TMEM181: variants seen among roughly 807,000 people sequenced by gnomAD.
The protein encoded by TMEM181 is transmembrane protein 181, also known as G protein-coupled receptor 178.
TMEM181 carries 39 observed loss-of-function variants against 71.9 expected under a neutral mutation model. The observed-to-expected ratio is 0.54, with a 90% confidence interval of 0.42 to 0.71. The LOEUF is 0.71. Ranked by LOEUF, TMEM181 falls within the 30% of genes least tolerant of loss-of-function variation. The pLI, the probability that TMEM181 is intolerant of heterozygous loss-of-function variation, is 0.00. For missense variants in TMEM181, 595 were observed against 583.0 expected (o/e 1.02, Z -0.21); for synonymous variants, 245 against 228.8 (o/e 1.07, Z -0.64).
intron 1 of TMEM181, among the ~76,000 whole-genome samples, chr6:158,571,272 G>GT (rs955740981): frequency 4.0e-4 from 59 of 149,092 alleles, no homozygotes; most frequent in African/African-American, 1.3e-3. Flanking sequence ...AATTTTTTGT[G>GT]TTTTTTAGTA....
At chr6:158,580,357 C>T (rs1234779722) in intron 2 of TMEM181, among the ~76,000 whole-genome samples, 2 of 151,718 alleles carry the variant, frequency 1.3e-5, no homozygotes, top group Admixed American at 1.3e-4. Flanking sequence ...GTTCTTGGAT[C>T]TGTAGGAAAA....
intron 1 of TMEM181, among the ~76,000 whole-genome samples, chr6:158,542,520 T>C (rs902221620): frequency 6.6e-6 from 1 of 152,206 alleles, no homozygotes; most frequent in Non-Finnish European, 1.5e-5. Context: ...CCAGAGCTCT[T>C]CCTGGTGTTT....
In TMEM181 at chr6:158,614,221, G is replaced by C. The variant is rs561328098; in HGVS notation, c.896+5471G>C. Reference sequence around the variant, plus strand: ...CGGGGGTTAGGAAAGACAACCTTGAGACTAAAGTTTGATTTGGGGAAGCCT... The same window carrying C: ...CGGGGGTTAGGAAAGACAACCTTGACACTAAAGTTTGATTTGGGGAAGCCT... On this transcript the variant is annotated intron_variant, in intron 10 of 16. Coordinates refer to ENST00000684151, the MANE Select transcript of TMEM181 (RefSeq NM_001376852.1). Among the ~76,000 whole-genome samples the C allele has an allele frequency of 3.2e-4, 48 of 152,312 alleles. 1 individual carries two copies. In the East Asian group the frequency reaches 9.3e-3, roughly 29 times the overall value.
At chr6:158,575,914 G>A (rs776066670) in intron 2 of TMEM181, among the ~76,000 whole-genome samples, 7 of 152,200 alleles carry the variant, frequency 4.6e-5, no homozygotes, top group South Asian at 2.1e-4. Flanking sequence ...ATAGTGATAC[G>A]TTTTGGAACA....
chr6:158,611,323 A>G (rs1275727067), intron 10 of TMEM181: 3 of 510,616 alleles, frequency 5.9e-6, no homozygotes, highest in African/African-American at 3.9e-5. Context: ...ACACTCTGCT[A>G]TGCTTGGTTT....
At chr6:158,556,743 T>TG (rs1165967655), upstream of TMEM181, among the ~76,000 whole-genome samples, 3 of 148,674 alleles carry the variant, frequency 2.0e-5, no homozygotes, top group African/African-American at 7.5e-5. Context: ...TGGTGTTCTC[T>TG]GGCTCTATTT....
chr6:158,589,906 G>A (rs1784011525), intron 6 of TMEM181, 124 bp downstream of exon 6: 1 of 708,266 alleles, frequency 1.4e-6, no homozygotes, highest in Non-Finnish European at 2.3e-6. Context: ...GACTTGTAAA[G>A]TTTTTAAAAA....
upstream of TMEM181, among the ~76,000 whole-genome samples, chr6:158,555,190 TTTC>T (rs1343486483): frequency 1.3e-5 from 2 of 152,208 alleles, no homozygotes; most frequent in Non-Finnish European, 2.9e-5. Flanking sequence ...TGTTTGGCTT[TTTC>T]TTTTTGGCCC....
chr6:158,629,147 T>C (rs1006160386), intron 14 of TMEM181, among the ~76,000 whole-genome samples: 1 of 152,186 alleles, frequency 6.6e-6, no homozygotes, highest in African/African-American at 2.4e-5. Flanking sequence ...CCACTCTTTG[T>C]TGGGGACACT....
At chr6:158,539,464 T>C (rs1781256584) in intron 1 of TMEM181, among the ~76,000 whole-genome samples, 1 of 152,218 alleles carries the variant, frequency 6.6e-6, no homozygotes, top group African/African-American at 2.4e-5. Context: ...CTCCTTCTCT[T>C]CTCACCGTCT....
chr6:158,563,805 C>T (rs972135991), intron 1 of TMEM181, among the ~76,000 whole-genome samples: 1 of 152,128 alleles, frequency 6.6e-6, no homozygotes, highest in Non-Finnish European at 1.5e-5. Context: ...CACATAATAG[C>T]TTTGCGAACT....
chr6:158,626,112 C>T lies in TMEM181; in HGVS notation c.1109+358C>T, dbSNP rs111459906. Among the ~76,000 whole-genome samples the T allele has an allele frequency of 2.2e-3, 334 of 152,308 alleles. 2 individuals carry two copies. The highest frequency in any genetic ancestry group is 7.5e-3 in the African/African-American group (312 of 41,562). ...GGTGCCCCAGGGACAGGACTCTAAG[C>T]GAGTTAGGACAGCAAACACCCTTGA... On this transcript the variant is annotated intron_variant, in intron 13 of 16. Coordinates refer to ENST00000684151, the MANE Select transcript of TMEM181 (RefSeq NM_001376852.1).
In TMEM181 at chr6:158,585,320, A is replaced by G. The variant is rs754284199; in HGVS notation, c.276A>G (p.Thr92=). 1 of 1,603,538 alleles carries G rather than the reference A, an allele frequency of 6.2e-7. No homozygotes were observed. Among genetic ancestry groups the G allele is most frequent in the Admixed American group, 1.8e-5 (1 of 56,624 alleles). The change falls in exon 5 of 17, where the codon ACA becomes ACG. Residue 92 remains threonine (T), a synonymous_variant. Coordinates refer to ENST00000684151, the MANE Select transcript of TMEM181 (RefSeq NM_001376852.1). ...CTTTTGTAGAAACTTCTATTAAGAC[A>G]AGCTTTCCCATGACTGTTAAAGTCG... ...LDQSKETSIK[T]SFPMTVKVDG... is the part of the protein sequence containing the mutation.
chr6:158,540,165 A>C (rs1322390265), intron 1 of TMEM181, among the ~76,000 whole-genome samples: 2 of 152,234 alleles, frequency 1.3e-5, no homozygotes, highest in African/African-American at 4.8e-5. Context: ...CTGTCTCTAA[A>C]AGAAAAAGAA....
At chr6:158,611,635 GGACTCCCTGAGTGCTCT>G in intron 10 of TMEM181, 1 of 335,070 alleles carries the variant, frequency 3.0e-6, no homozygotes, top group Non-Finnish European at 5.9e-6. Context: ...CCTGACGAAA[GGACTCCCTGAGTGCTCT>G]GAATCAGGCA....
intron 15 of TMEM181, among the ~76,000 whole-genome samples, chr6:158,631,120 C>T (rs957226541): frequency 3.9e-5 from 6 of 152,246 alleles, no homozygotes; most frequent in Non-Finnish European, 8.8e-5. Context: ...TTCAGGACGT[C>T]CCTGCCAGGC....
At chr6:158,595,552 G>A (rs747157542) in intron 6 of TMEM181, among the ~76,000 whole-genome samples, 3 of 152,230 alleles carry the variant, frequency 2.0e-5, no homozygotes, top group Non-Finnish European at 2.9e-5. Context: ...AGCAAAATGA[G>A]TGCATAAATT....
At chr6:158,599,628 G>A (rs1784561282) in intron 6 of TMEM181, among the ~76,000 whole-genome samples, 1 of 152,204 alleles carries the variant, frequency 6.6e-6, no homozygotes, top group Non-Finnish European at 1.5e-5. Flanking sequence ...CAGTGGACCT[G>A]GCAGTGCCCA....
intron 6 of TMEM181, among the ~76,000 whole-genome samples, chr6:158,592,022 C>T (rs1270196781): frequency 1.3e-5 from 2 of 152,160 alleles, no homozygotes. Flanking sequence ...AACCACTCAC[C>T]TTGAATTACA....
Sources: gnomAD v4.1 joint callset for allele counts (sites outside exome capture counted in the v4.1 genomes callset) on GRCh38, gnomAD v4.1.1 for gene constraint, MANE v1.5 for transcripts, NCBI Gene and HGNC (gene_info 2026-07-23, HGNC 2026-07-21) for gene names.